The following NR3C1 variants were observed in gnomAD, a reference collection of about 807,000 sequenced individuals.
NR3C1 encodes the protein glucocorticoid receptor.
In NR3C1, 14 loss-of-function variants were observed where a neutral mutation model predicts 74.0. The observed-to-expected ratio is 0.19, with a 90% CI of 0.12 to 0.30. The LOEUF (loss-of-function observed/expected upper bound fraction) is 0.30, where lower values mean the gene tolerates loss of function less well. NR3C1 is among the 10% of genes least tolerant of loss of function. The probability of loss-of-function intolerance (pLI) is 1.00; values close to 1 mark genes in which losing one functional copy is unlikely to be tolerated. For synonymous variants in NR3C1, 308 were observed against 332.5 expected, an observed-to-expected ratio of 0.93 and a Z score of 0.80; for missense variants, 695 against 909.8, an observed-to-expected ratio of 0.76 and a Z score of 3.04.
At chr5:143,309,549 C>T (rs1464698345) in intron 4 of NR3C1, among the ~76,000 whole-genome samples, 3 of 152,062 alleles carry the variant, frequency 2.0e-5, no homozygotes, top group African/African-American at 7.2e-5. Flanking sequence ...TCGGGGATTA[C>T]AGGCGTGAGC....
intron 2 of NR3C1, among the ~76,000 whole-genome samples, chr5:143,381,624 T>C (rs1836262106): frequency 6.6e-6 from 1 of 151,962 alleles, no homozygotes; most frequent in East Asian, 1.9e-4. Flanking sequence ...CAGAAACAAA[T>C]TCATACACCT....
At position 143,400,135 on chromosome 5, in the gene NR3C1, G is replaced by A. The variant is rs752096834; in HGVS notation, c.705C>T (p.Phe235=). 6.2e-7 allele frequency: 1 copy of A among 1,614,054 alleles called. No individual in the cohort carries two copies. Among genetic ancestry groups the A allele is most frequent in the Non-Finnish European group, 8.5e-7 (1 of 1,180,040 alleles). The change falls in exon 2 of 9, where the codon TTC becomes TTT. Residue 235 remains phenylalanine (F), a synonymous_variant. Coordinates refer to ENST00000394464, the MANE Select transcript of NR3C1 (RefSeq NM_000176.3). ...CCTCATTCGAGTTTCCTTCCAAAAG[G>A]AATGAATCGTCTTCTCCCGCCAGAG... ...LSPLAGEDDS[F]LLEGNSNEDC...
intron 1 of NR3C1, among the ~76,000 whole-genome samples, chr5:143,416,647 C>T (rs1841485828): frequency 6.6e-6 from 1 of 152,122 alleles, no homozygotes; most frequent in Non-Finnish European, 1.5e-5. Context: ...CAGAAAGGGT[C>T]CTGACATCAG....
intron 1 of NR3C1, among the ~76,000 whole-genome samples, chr5:143,421,594 G>A (rs1206202336): frequency 1.3e-5 from 2 of 152,084 alleles, no homozygotes; most frequent in Non-Finnish European, 2.9e-5. Flanking sequence ...GCTGAGGTGG[G>A]CACATCACTT....
intron 6 of NR3C1, among the ~76,000 whole-genome samples, chr5:143,296,192 T>C (rs993734845): frequency 3.3e-5 from 5 of 152,198 alleles, no homozygotes; most frequent in Non-Finnish European, 7.3e-5. Flanking sequence ...GATTTTCAAA[T>C]AGGTCTCTAA....
chr5:143,311,524 GTCTA>G (rs1391745636), intron 3 of NR3C1, among the ~76,000 whole-genome samples: 3 of 152,182 alleles, frequency 2.0e-5, no homozygotes, highest in Non-Finnish European at 4.4e-5. Context: ...AGTTGGACAA[GTCTA>G]TCTATCTGTT....
chr5:143,399,528 C>G, intron 2 of NR3C1, 128 bp downstream of exon 2: 1 of 760,234 alleles, frequency 1.3e-6, no homozygotes, highest in Non-Finnish European at 2.2e-6. Context: ...TTCAAAAGGC[C>G]ACTTAAACTT....
intron 2 of NR3C1, among the ~76,000 whole-genome samples, chr5:143,343,627 A>G (rs554419633): frequency 3.3e-5 from 5 of 152,380 alleles, no homozygotes; most frequent in Non-Finnish European, 7.3e-5. Context: ...TACAGAGTCC[A>G]TATCCCTAAC....
chr5:143,312,630 C>T (rs1443858289), intron 3 of NR3C1, among the ~76,000 whole-genome samples: 1 of 152,144 alleles, frequency 6.6e-6, no homozygotes, highest in African/African-American at 2.4e-5. Flanking sequence ...ATTTTCAATT[C>T]ACAATGGGTT....
intron 3 of NR3C1, among the ~76,000 whole-genome samples, chr5:143,311,151 T>C (rs1820861343): frequency 6.6e-6 from 1 of 152,214 alleles, no homozygotes; most frequent in African/African-American, 2.4e-5. Flanking sequence ...CCTAGCTTCT[T>C]TACTTGGACA....
chr5:143,300,597 A>G lies in NR3C1; in HGVS notation c.1635T>C (p.Tyr545=). ...LLEVIEPEVL[Y]AGYDSSVPDS... ...CTGGAACAGAGCTATCATATCCTGC[A>G]TATAACACTTCAGGTTCAATAACCT... Residue 545 remains tyrosine (Y), a synonymous_variant, in exon 5 of 9, where the codon TAT becomes TAC. Transcript: ENST00000394464. This position sits in a 1 kb window ranked among gnomAD's most constrained non-coding sequence, Gnocchi z 5.2. The G allele has an allele frequency of 2.5e-6, 4 of 1,614,208 alleles. No homozygotes were observed. The highest frequency in any genetic ancestry group is 3.4e-6 in the Non-Finnish European group (4 of 1,180,016).
intron 1 of NR3C1, among the ~76,000 whole-genome samples, chr5:143,423,089 A>G (rs1419974868): frequency 1.3e-5 from 2 of 152,192 alleles, no homozygotes; most frequent in Non-Finnish European, 2.9e-5. Flanking sequence ...TTTTTTGAAT[A>G]AGACATCAAA....
At chr5:143,307,086 C>T (rs369813639) in intron 4 of NR3C1, among the ~76,000 whole-genome samples, 2 of 151,834 alleles carry the variant, frequency 1.3e-5, no homozygotes, top group African/African-American at 2.4e-5. Flanking sequence ...TTAGTAGAGA[C>T]GGGGTTTCAC....
At chr5:143,390,886 T>C (rs1048208975) in intron 2 of NR3C1, among the ~76,000 whole-genome samples, 1 of 152,206 alleles carries the variant, frequency 6.6e-6, no homozygotes, top group Non-Finnish European at 1.5e-5. Flanking sequence ...TAAATACATT[T>C]TCTTTGAGCA....
chr5:143,281,689 G>A lies in NR3C1; in HGVS notation c.*200C>T, dbSNP rs1813129899. On this transcript the variant is annotated 3_prime_UTR_variant, in exon 9 of 9. Transcript: ENST00000394464. ...TTTCACCATCTACTCTCCCATCACTGAAAAGTGATGACGACTCAACTGCTT... is the reference window on the plus strand; with the variant it reads ...TTTCACCATCTACTCTCCCATCACTAAAAAGTGATGACGACTCAACTGCTT... The A allele has an allele frequency of 8.9e-6, 5 of 564,850 alleles. No homozygotes were observed. In the East Asian group the frequency reaches 1.5e-4, roughly 17 times the overall value. 35.0% of individuals were successfully genotyped at this position (564,850 alleles called of 1,614,324 possible).
rs1826336944 is a variant in NR3C1, at chr5:143,333,049, G to A, written c.1185-18881C>T. The A allele has an allele frequency of 7.5e-6, 12 of 1,594,184 alleles. No individual in the cohort carries two copies. The African/African-American group carries it at 9.3e-5, about 12-fold the overall frequency. ...CACCTGGGGAAGTTTGGCTTCATTT[G>A]CTTGGAAGACCTCATTCATGAAATT... On this transcript the variant is annotated intron_variant, in intron 2 of 8. Coordinates refer to ENST00000394464, the MANE Select transcript of NR3C1 (RefSeq NM_000176.3).
intron 2 of NR3C1, among the ~76,000 whole-genome samples, chr5:143,388,450 GA>G (rs529219157): frequency 7.1e-4 from 108 of 152,236 alleles, no homozygotes; most frequent in African/African-American, 2.4e-3. Context: ...TGTATTTGTA[GA>G]GGTCTTACTA....
intron 2 of NR3C1, among the ~76,000 whole-genome samples, chr5:143,382,396 GCTTAT>G (rs1561729939): frequency 6.6e-6 from 1 of 152,094 alleles, no homozygotes; most frequent in African/African-American, 2.4e-5. Flanking sequence ...AATGAAAAAG[GCTTAT>G]CTTATGAACA....
chr5:143,400,931 G>C, intron 1 of NR3C1, 79 bp from the exon 2 acceptor site: 2 of 1,074,576 alleles, frequency 1.9e-6, no homozygotes, highest in South Asian at 1.3e-5. Context: ...CGATTAGTAA[G>C]AGGCAGCTTG....
Sources: gnomAD v4.1 joint callset for allele counts (sites outside exome capture counted in the v4.1 genomes callset) on GRCh38, gnomAD v4.1.1 for gene constraint, Gnocchi (gnomAD v3.1) non-coding constraint, MANE v1.5 for transcripts, NCBI Gene and HGNC (gene_info 2026-07-23, HGNC 2026-07-21) for gene names.